ATP7A: variants seen among roughly 807,000 people sequenced by gnomAD.
The protein encoded by ATP7A is ATPase copper transporting alpha.
ATP7A carries 7 observed loss-of-function variants against 83.5 expected under a neutral mutation model. The ratio of observed to expected loss-of-function variants is 0.08; its 90% CI spans 0.05 to 0.16. The LOEUF is 0.16. Among genes scored for constraint, ATP7A ranks in the 10% least tolerant of loss-of-function variants. The pLI is 1.00. For synonymous variants in ATP7A, 354 were observed against 395.2 expected, an observed-to-expected ratio of 0.90 and a Z score of 1.24; for missense variants, 940 against 1,120.8, an observed-to-expected ratio of 0.84 and a Z score of 2.30.
At chrX:77,919,323 A>T (rs2077199590) in intron 1 of ATP7A, among the ~76,000 whole-genome samples, 1 of 111,192 alleles carries the variant, frequency 9.0e-6, no homozygotes, top group African/African-American at 3.3e-5. Flanking sequence ...CCTAAGAGCT[A>T]CTTTTTCCTC....
At chrX:78,038,674 C>T (rs1206092014) in intron 17 of ATP7A, among the ~76,000 whole-genome samples, 162 bp from the exon 18 acceptor site, 1 of 111,787 alleles carries the variant, frequency 8.9e-6, no homozygotes, top group African/African-American at 3.3e-5. Flanking sequence ...CATGGAAGAA[C>T]AGAGTATGTT....
At chrX:77,977,298 TGAG>T (rs1300933277) in intron 2 of ATP7A, among the ~76,000 whole-genome samples, 2 of 111,878 alleles carry the variant, frequency 1.8e-5, no homozygotes, top group Non-Finnish European at 3.8e-5. Context: ...GGGCTGGTGT[TGAG>T]GGCCAGAACA....
chrX:78,005,056 A>T (rs1159672183), intron 6 of ATP7A, among the ~76,000 whole-genome samples: 1 of 110,916 alleles, frequency 9.0e-6, no homozygotes, highest in Non-Finnish European at 1.9e-5. Flanking sequence ...ATTCCAGCCT[A>T]GGTGACAGAG....
chrX:78,009,001 G>A (rs2077797612), intron 6 of ATP7A, 101 bp from the exon 7 acceptor site: 4 of 927,231 alleles, frequency 4.3e-6, no homozygotes, highest in Non-Finnish European at 6.1e-6. Context: ...GGGCGACAGA[G>A]CGAGAGACTC....
At position 78,046,397 on chromosome X, in the gene ATP7A, T is replaced by A; in HGVS notation, c.4330T>A (p.Ser1444Thr). The change falls in exon 23 of 23, where the codon TCA (serine) becomes ACA (threonine). Residue 1444 changes from serine to threonine, a missense_variant. Around this residue, in one of 3 missense-constraint regions of ATP7A, gnomAD observed 386 missense variants for 502.2 expected, o/e 0.77. Coordinates refer to ENST00000341514, the MANE Select transcript of ATP7A (RefSeq NM_000052.7). ...ISVHVGIDDT[S>T]RNSPKLGLLD... ...CGTTCATGTTGGAATAGATGATACCTCAAGGAATTCTCCTAAACTGGGTTT... is the reference window on the plus strand; with the variant it reads ...CGTTCATGTTGGAATAGATGATACCACAAGGAATTCTCCTAAACTGGGTTT... 2 of 1,211,513 alleles carry A rather than the reference T, an allele frequency of 1.7e-6. No individual in the cohort carries two copies. Among genetic ancestry groups the A allele is most frequent in the East Asian group, 3.0e-5 (1 of 33,831 alleles).
intron 10 of ATP7A, among the ~76,000 whole-genome samples, chrX:78,014,107 A>C (rs1351268198): frequency 9.0e-6 from 1 of 111,004 alleles, no homozygotes; most frequent in Non-Finnish European, 1.9e-5. Context: ...ATACTTTTAA[A>C]ATATTTTGTG....
chrX:78,002,998 A>G (rs1222391331), intron 5 of ATP7A, 75 bp from the exon 6 acceptor site: 4 of 981,357 alleles, frequency 4.1e-6, no homozygotes, highest in Non-Finnish European at 5.8e-6. Context: ...ACTTGATAAT[A>G]CTAAGAAGTA....
chrX:77,971,575 A>G, intron 1 of ATP7A, 46 bp from the exon 2 acceptor site: 2 of 1,169,087 alleles, frequency 1.7e-6, no homozygotes, highest in Non-Finnish European at 2.3e-6. Flanking sequence ...AGTTGAGGAA[A>G]GATTATTTGC....
At chrX:77,943,054 A>T (rs782413994) in intron 1 of ATP7A, among the ~76,000 whole-genome samples, 1 of 109,505 alleles carries the variant, frequency 9.1e-6, no homozygotes, top group Admixed American at 9.7e-5. Flanking sequence ...ACCTCAGGTG[A>T]TCCACCTGTG....
At chrX:78,028,972 T>C (rs1481142177) in intron 14 of ATP7A, among the ~76,000 whole-genome samples, 2 of 112,397 alleles carry the variant, frequency 1.8e-5, no homozygotes, top group African/African-American at 6.5e-5. Flanking sequence ...CATTTGCAGC[T>C]ATTTCTGAAA....
intron 17 of ATP7A, among the ~76,000 whole-genome samples, chrX:78,036,250 C>A (rs2078012813): frequency 9.1e-6 from 1 of 110,462 alleles, no homozygotes; most frequent in Non-Finnish European, 1.9e-5. Context: ...CATAGGGGTG[C>A]TGGGAGTAGT....
intron 1 of ATP7A, among the ~76,000 whole-genome samples, chrX:77,961,275 G>C (rs2077472989): frequency 8.9e-6 from 1 of 111,932 alleles, no homozygotes. Flanking sequence ...CTTTCTGCCT[G>C]ACTGATCTCT....
chrX:77,947,158 C>T (rs185445216), intron 1 of ATP7A, among the ~76,000 whole-genome samples: 1 of 111,631 alleles, frequency 9.0e-6, no homozygotes, highest in Non-Finnish European at 1.9e-5. Flanking sequence ...AATAAGCCAG[C>T]CACAATAGGA....
rs5959129 is a variant in ATP7A at position 77,969,370 on chromosome X, C to T, written c.-21-2251C>T. The T allele has an allele frequency of 9.2e-3, 11,090 of 1,207,682 alleles. 721 individuals are homozygous for T. The African/African-American group carries it at 0.17, about 19-fold the overall frequency. ...GAGACCGGTTAGACCCCCATAGTGCCGCTCATTGAGGCGCCAAGTCCTCAC... is the reference window on the plus strand; with the variant it reads ...GAGACCGGTTAGACCCCCATAGTGCTGCTCATTGAGGCGCCAAGTCCTCAC... On this transcript the variant is annotated intron_variant, in intron 1 of 22. Coordinates refer to ENST00000341514, the MANE Select transcript of ATP7A (RefSeq NM_000052.7).
Position 78,011,583 on chromosome X carries a change from A to G in ATP7A, c.2081A>G (p.Asn694Ser). The G allele has an allele frequency of 8.3e-7, 1 of 1,211,119 alleles. No individual in the cohort carries two copies. Residue 694 changes from asparagine to serine, a missense_variant, in exon 9 of 23, where the codon AAC (asparagine) becomes AGC (serine). By Grantham distance (46) the Asn-to-Ser change is conservative. This residue lies in a region of ATP7A where 204 missense variants were observed against 185.8 expected (regional missense o/e 1.10). Coordinates refer to ENST00000341514, the MANE Select transcript of ATP7A (RefSeq NM_000052.7). Reference sequence around the variant, plus strand: ...AACATGAGTAAAGAAGAAATGATCAACCTTCATTCTTCTATGTTCCTGGAG... The same window carrying G: ...AACATGAGTAAAGAAGAAATGATCAGCCTTCATTCTTCTATGTTCCTGGAG... Reference protein sequence around the residue: ...NQNMSKEEMINLHSSMFLERQ... With the variant: ...NQNMSKEEMISLHSSMFLERQ...
chrX:77,949,937 A>G (rs969847804), intron 1 of ATP7A, among the ~76,000 whole-genome samples: 7 of 111,848 alleles, frequency 6.3e-5, no homozygotes, highest in Non-Finnish European at 1.1e-4. Flanking sequence ...TGGATTGTTT[A>G]TAGAGACAAC....
chrX:77,938,155 G>A (rs1464309064), intron 1 of ATP7A, among the ~76,000 whole-genome samples: 1 of 111,717 alleles, frequency 9.0e-6, no homozygotes, highest in African/African-American at 3.3e-5. Flanking sequence ...TATGGGTATG[G>A]ATATACACAC....
chrX:78,008,555 G>A (rs141809400), intron 6 of ATP7A, among the ~76,000 whole-genome samples: 407 of 111,339 alleles, frequency 3.7e-3, no homozygotes, highest in African/African-American at 0.013. Flanking sequence ...AGCAAGACTG[G>A]ATACAAGAAA....
intron 1 of ATP7A, among the ~76,000 whole-genome samples, chrX:77,952,254 G>C (rs2077417479): frequency 8.9e-6 from 1 of 112,098 alleles, no homozygotes; most frequent in Non-Finnish European, 1.9e-5. Context: ...ATTATATTTA[G>C]TTTTGTAAGT....
Sources: gnomAD v4.1 joint callset for allele counts (sites outside exome capture counted in the v4.1 genomes callset) on GRCh38, gnomAD v4.1.1 for gene constraint, gnomAD v4.1.1 regional missense constraint, MANE v1.5 for transcripts, NCBI Gene and HGNC (gene_info 2026-07-23, HGNC 2026-07-21) for gene names.